Variants in MCPH1 observed in about 807,000 individuals in gnomAD.
MCPH1 encodes the protein microcephalin 1.
In MCPH1, 104 loss-of-function variants were observed where a neutral mutation model predicts 84.5. The observed-to-expected ratio is 1.23, with a 90% CI of 1.05 to 1.45. The LOEUF is 1.45. MCPH1 is among the 40% of genes most tolerant of loss of function. MCPH1 has a pLI of 0.00. For synonymous variants in MCPH1, 514 were observed against 366.8 expected (o/e 1.40, Z -4.58); for missense variants, 1,498 against 1,005.7 (o/e 1.49, Z -6.62).
intron 12 of MCPH1, among the ~76,000 whole-genome samples, chr8:6,557,688 TACACACACACAC>T (rs112788253): frequency 1.3e-5 from 2 of 148,692 alleles, no homozygotes; most frequent in African/African-American, 2.5e-5. Flanking sequence ...TATGTGTGTG[TACACACACACAC>T]ACACACACAC....
chr8:6,499,116 G>A (rs1215968940), intron 11 of MCPH1, among the ~76,000 whole-genome samples: 3 of 151,256 alleles, frequency 2.0e-5, no homozygotes, highest in Admixed American at 6.6e-5. Flanking sequence ...AACATGAATT[G>A]TATAATCCAG....
intron 12 of MCPH1, among the ~76,000 whole-genome samples, chr8:6,519,304 C>CGTTT (rs1816865577): frequency 6.6e-6 from 1 of 152,152 alleles, no homozygotes; most frequent in Non-Finnish European, 1.5e-5. Flanking sequence ...ACTGTGTTAG[C>CGTTT]GTTTGCTCAG....
chr8:6,475,709 C>G (rs554373100), intron 9 of MCPH1, among the ~76,000 whole-genome samples: 3 of 152,328 alleles, frequency 2.0e-5, no homozygotes, highest in East Asian at 1.9e-4. Context: ...TGGGCCACCA[C>G]CTTTACTGGG....
rs59299448 is a variant in MCPH1, at chr8:6,559,230, A to AACACACACACACACACACACAC, written c.2214+59311_2214+59332dup. ...TGAGTGTTTTGTAGCCACACACGACAACACACACACACACACACACACACA... is the reference window on the plus strand; with the variant it reads ...TGAGTGTTTTGTAGCCACACACGACAACACACACACACACACACACACACACACACACACACACACACACACA... On this transcript the variant is annotated intron_variant, in intron 12 of 13. Coordinates refer to ENST00000344683, the MANE Select transcript of MCPH1 (RefSeq NM_024596.5). Among the ~76,000 whole-genome samples the AACACACACACACACACACACAC allele has an allele frequency of 8.8e-4, 129 of 146,834 alleles. 1 individual carries two copies. The highest frequency in any genetic ancestry group is 3.2e-3 in the Admixed American group (47 of 14,704).
At chr8:6,490,245 C>T (rs1323851193) in intron 11 of MCPH1, among the ~76,000 whole-genome samples, 1 of 152,224 alleles carries the variant, frequency 6.6e-6, no homozygotes, top group Non-Finnish European at 1.5e-5. Context: ...ACACAGTTCT[C>T]ACTGTAAATA....
chr8:6,456,533 A>G (rs1360081613), intron 9 of MCPH1, among the ~76,000 whole-genome samples: 1 of 152,088 alleles, frequency 6.6e-6, no homozygotes, highest in African/African-American at 2.4e-5. Context: ...GATGCGTCGC[A>G]TGGCACCACA....
At chr8:6,552,359 T>G (rs981796592) in intron 12 of MCPH1, among the ~76,000 whole-genome samples, 4 of 152,190 alleles carry the variant, frequency 2.6e-5, no homozygotes, top group Non-Finnish European at 5.9e-5. Flanking sequence ...TGGAGCAGTT[T>G]CCACAGAGGC....
At chr8:6,598,348 A>T (rs1363638982) in intron 12 of MCPH1, among the ~76,000 whole-genome samples, 1 of 152,040 alleles carries the variant, frequency 6.6e-6, no homozygotes, top group Non-Finnish European at 1.5e-5. Flanking sequence ...GAGGGGAGGG[A>T]TTGGAAAGTA....
intron 4 of MCPH1, among the ~76,000 whole-genome samples, chr8:6,432,505 CT>C (rs1801996902): frequency 6.6e-6 from 1 of 152,282 alleles, no homozygotes; most frequent in Non-Finnish European, 1.5e-5. Context: ...TAACCACAAC[CT>C]TTTCGGCTTT....
At chr8:6,630,775 C>G (rs71525744) in intron 13 of MCPH1, among the ~76,000 whole-genome samples, 2 of 135,584 alleles carry the variant, frequency 1.5e-5, no homozygotes, top group East Asian at 4.2e-4. Context: ...GAGCAAAACT[C>G]TGTCCTAAAA....
intron 12 of MCPH1, among the ~76,000 whole-genome samples, chr8:6,510,855 A>T (rs1814916403): frequency 6.6e-6 from 1 of 152,228 alleles, no homozygotes; most frequent in African/African-American, 2.4e-5. Context: ...ATCCTAAGGC[A>T]TGAACTGGAC....
At chr8:6,537,388 G>A in intron 12 of MCPH1, among the ~76,000 whole-genome samples, 1 of 152,004 alleles carries the variant, frequency 6.6e-6, no homozygotes, top group East Asian at 1.9e-4. Flanking sequence ...AGTGAGTTAT[G>A]CAAGTTTAAC....
chr8:6,543,829 C>T (rs1045773330), intron 12 of MCPH1, among the ~76,000 whole-genome samples: 3 of 152,254 alleles, frequency 2.0e-5, no homozygotes, highest in Non-Finnish European at 4.4e-5. Context: ...ATAATTTAAA[C>T]CCCCTGTGTG....
chr8:6,473,219 A>ATC (rs1554502575), intron 9 of MCPH1, among the ~76,000 whole-genome samples: 1 of 148,574 alleles, frequency 6.7e-6, no homozygotes, highest in Non-Finnish European at 1.5e-5. Flanking sequence ...GATCATCTGC[A>ATC]TTTTTTCTGT....
At chr8:6,472,639 G>A (rs561039267) in intron 9 of MCPH1, among the ~76,000 whole-genome samples, 8 of 151,994 alleles carry the variant, frequency 5.3e-5, no homozygotes, top group African/African-American at 1.7e-4. Flanking sequence ...GCTAATTTTT[G>A]TATTTTTTAG....
intron 11 of MCPH1, among the ~76,000 whole-genome samples, chr8:6,488,145 G>A (rs1810152111): frequency 6.6e-6 from 1 of 152,252 alleles, no homozygotes; most frequent in African/African-American, 2.4e-5. Flanking sequence ...GGAGGCTCCT[G>A]CAGGCTGCGG....
At chr8:6,580,918 A>G (rs1044057108) in intron 12 of MCPH1, among the ~76,000 whole-genome samples, 1 of 152,270 alleles carries the variant, frequency 6.6e-6, no homozygotes, top group African/African-American at 2.4e-5. Context: ...CAGGTTCTGC[A>G]TCTGTAGGTT....
At chr8:6,470,649 T>A (rs770999197) in intron 9 of MCPH1, among the ~76,000 whole-genome samples, 1 of 152,166 alleles carries the variant, frequency 6.6e-6, no homozygotes, top group Non-Finnish European at 1.5e-5. Context: ...CTGCCTCTCA[T>A]GTTTCATGAA....
In MCPH1 at chr8:6,431,525, A is replaced by C. The variant is rs769516261; in HGVS notation, c.260A>C (p.Asp87Ala). ...TGCAGGACAGCTGGAGCACACATTGATGAATCATTGTTCCCTGCAGCTAAT... is the reference window on the plus strand; with the variant it reads ...TGCAGGACAGCTGGAGCACACATTGCTGAATCATTGTTCCCTGCAGCTAAT... The part of the protein sequence containing the change: ...EKCRTAGAHI[D>A]ESLFPAANMN... Residue 87 changes from aspartate (D) to alanine (A), a missense_variant, in exon 4 of 14, where the codon GAT (aspartate) becomes GCT (alanine). Asp to Ala is a moderately radical substitution (Grantham distance 126, BLOSUM62 -2). Transcript: ENST00000344683. 13 of 1,613,620 alleles carry C rather than the reference A, an allele frequency of 8.1e-6. No homozygotes were observed. Among genetic ancestry groups the C allele is most frequent in the Non-Finnish European group, 1.1e-5 (13 of 1,179,774 alleles).
Sources: gnomAD v4.1 joint callset for allele counts (sites outside exome capture counted in the v4.1 genomes callset) on GRCh38, gnomAD v4.1.1 for gene constraint, MANE v1.5 for transcripts, NCBI Gene and HGNC (gene_info 2026-07-23, HGNC 2026-07-21) for gene names.